The following ADGRL2 variants were observed in gnomAD, a reference collection of about 807,000 sequenced individuals.
The protein encoded by ADGRL2 is calcium-independent alpha-latrotoxin receptor 2.
A neutral mutation model predicts 157.4 loss-of-function variants in ADGRL2; 44 were observed. That is an observed-to-expected ratio of 0.28 (90% CI 0.22 to 0.36). The LOEUF (loss-of-function observed/expected upper bound fraction) is 0.36, where lower values mean the gene tolerates loss of function less well. Ranked by LOEUF, ADGRL2 falls within the 10% of genes least tolerant of loss-of-function variation. ADGRL2 has a pLI of 1.00. For synonymous variants in ADGRL2, 585 were observed against 624.7 expected, an observed-to-expected ratio of 0.94 and a Z score of 0.95; for missense variants, 1,510 against 1,768.9, an observed-to-expected ratio of 0.85 and a Z score of 2.63.
At chr1:81,642,808 T>C (rs1217193611) in intron 3 of ADGRL2, among the ~76,000 whole-genome samples, 2 of 152,134 alleles carry the variant, frequency 1.3e-5, no homozygotes, top group Non-Finnish European at 2.9e-5. Flanking sequence ...TCACATGACA[T>C]GAACGGGTTA....
intron 17 of ADGRL2, among the ~76,000 whole-genome samples, chr1:81,974,574 A>G (rs1379298200): frequency 2.0e-5 from 3 of 152,126 alleles, no homozygotes; most frequent in Admixed American, 1.3e-4. Context: ...AGCTCCAGGG[A>G]GGACAAAAAG....
intron 2 of ADGRL2, among the ~76,000 whole-genome samples, chr1:81,461,148 T>A (rs1322405051): frequency 6.6e-6 from 1 of 152,188 alleles, no homozygotes; most frequent in Non-Finnish European, 1.5e-5. Flanking sequence ...TCCATTGTTT[T>A]CTCTGTCCTT....
intron 1 of ADGRL2, among the ~76,000 whole-genome samples, chr1:81,742,160 T>C (rs967918419): frequency 6.6e-6 from 1 of 151,946 alleles, no homozygotes; most frequent in Non-Finnish European, 1.5e-5. Context: ...TTTCTTTAAA[T>C]TTTTTTCTCT....
At chr1:81,320,816 G>A (rs1480461147) in intron 1 of ADGRL2, among the ~76,000 whole-genome samples, 2 of 152,142 alleles carry the variant, frequency 1.3e-5, no homozygotes, top group African/African-American at 2.4e-5. Context: ...TAATTCTTAA[G>A]GGCCCTAATG....
intron 3 of ADGRL2, among the ~76,000 whole-genome samples, chr1:81,680,995 A>G (rs149585896): frequency 1.3e-5 from 2 of 152,198 alleles, no homozygotes; most frequent in Non-Finnish European, 2.9e-5. Context: ...ACTATAATAC[A>G]TCTTCCCTCC....
intron 1 of ADGRL2, among the ~76,000 whole-genome samples, chr1:81,359,530 G>C (rs755619003): frequency 6.6e-6 from 1 of 151,954 alleles, no homozygotes; most frequent in Non-Finnish European, 1.5e-5. Flanking sequence ...TCAGTATACA[G>C]CATTAATATT....
chr1:81,635,218 T>C (rs144576063), intron 3 of ADGRL2, among the ~76,000 whole-genome samples: 1 of 152,286 alleles, frequency 6.6e-6, no homozygotes, highest in East Asian at 1.9e-4. Flanking sequence ...CTTTCCTCTC[T>C]CCGTGTTCGC....
At chr1:81,717,239 G>T (rs2084148349) in intron 1 of ADGRL2, among the ~76,000 whole-genome samples, 1 of 152,194 alleles carries the variant, frequency 6.6e-6, no homozygotes, top group Non-Finnish European at 1.5e-5. Flanking sequence ...GAGTGTAAAA[G>T]TCATGAACCA....
At chr1:81,425,634 C>A (rs1170044279) in intron 1 of ADGRL2, among the ~76,000 whole-genome samples, 1 of 152,160 alleles carries the variant, frequency 6.6e-6, no homozygotes, top group Non-Finnish European at 1.5e-5. Flanking sequence ...CATTCTCCAC[C>A]AGGCACTACA....
At chr1:81,483,539 C>A (rs2078435812) in intron 2 of ADGRL2, among the ~76,000 whole-genome samples, 1 of 152,098 alleles carries the variant, frequency 6.6e-6, no homozygotes, top group Non-Finnish European at 1.5e-5. Context: ...AATAACACTA[C>A]ATAAAACCCA....
chr1:81,665,704 T>A (rs1419615611), intron 3 of ADGRL2, among the ~76,000 whole-genome samples: 1 of 152,188 alleles, frequency 6.6e-6, no homozygotes, highest in African/African-American at 2.4e-5. Flanking sequence ...AAGCCTCCAA[T>A]ATTAACAGCA....
intron 1 of ADGRL2, among the ~76,000 whole-genome samples, chr1:81,727,494 A>G (rs2084571957): frequency 6.6e-6 from 1 of 152,054 alleles, no homozygotes; most frequent in Non-Finnish European, 1.5e-5. Context: ...GTGCAGTGGC[A>G]TGATCTCAGC....
intron 1 of ADGRL2, among the ~76,000 whole-genome samples, chr1:81,818,176 T>C (rs570632879): frequency 1.3e-5 from 2 of 152,014 alleles, no homozygotes; most frequent in African/African-American, 4.8e-5. Flanking sequence ...AAAAAATTCC[T>C]CTTGAGAGTC....
At chr1:81,559,478 C>A (rs377333301) in intron 2 of ADGRL2, among the ~76,000 whole-genome samples, 9 of 150,520 alleles carry the variant, frequency 6.0e-5, no homozygotes, top group Non-Finnish European at 1.3e-4. Flanking sequence ...TCCTACCACA[C>A]GGTTTTGCAG....
At chr1:81,391,260 C>T (rs546874584) in intron 1 of ADGRL2, among the ~76,000 whole-genome samples, 3 of 152,234 alleles carry the variant, frequency 2.0e-5, no homozygotes, top group Non-Finnish European at 2.9e-5. Context: ...GTGCTTGTGG[C>T]ACTTGTGCTA....
chr1:81,418,021 T>C (rs1335035613), intron 1 of ADGRL2, among the ~76,000 whole-genome samples: 2 of 152,184 alleles, frequency 1.3e-5, no homozygotes, highest in Non-Finnish European at 2.9e-5. Context: ...AATTGTGAAA[T>C]GTTCAGTTTC....
At chr1:81,431,959 C>T (rs1360893317) in intron 1 of ADGRL2, among the ~76,000 whole-genome samples, 1 of 152,086 alleles carries the variant, frequency 6.6e-6, no homozygotes, top group African/African-American at 2.4e-5. Context: ...GAGAGAGGTT[C>T]GGGGGTGTTG....
intron 6 of ADGRL2, among the ~76,000 whole-genome samples, chr1:81,946,526 T>G (rs12044750): frequency 0.18 from 27,351 of 151,860 alleles, 3,230 homozygotes; most frequent in East Asian, 0.63. Context: ...TTGCTTTATA[T>G]TTACTTAATC....
At chr1:81,750,709 T>A (rs2085461438) in intron 1 of ADGRL2, among the ~76,000 whole-genome samples, 1 of 151,494 alleles carries the variant, frequency 6.6e-6, no homozygotes, top group East Asian at 1.9e-4. Context: ...AGAGCAAGAC[T>A]CCATTTCAAA....
Sources: allele counts gnomAD v4.1 joint callset (sites outside exome capture counted in the v4.1 genomes callset), GRCh38; gene constraint gnomAD v4.1.1; transcripts MANE v1.5; gene names NCBI Gene and HGNC (gene_info 2026-07-23, HGNC 2026-07-21).